Variants in SPMIP11 observed in about 807,000 individuals in gnomAD.
The protein encoded by SPMIP11 is long intergenic non-protein coding RNA 935.
At chr12:48,751,972 C>A in the SPMIP11 span, among the ~76,000 whole-genome samples, 3 of 150,522 alleles carry the variant, frequency 2.0e-5, no homozygotes, top group Non-Finnish European at 4.4e-5. Context: ...GAGGCCGAGG[C>A]ATGAGAATCT....
At chr12:48,764,596 T>C in the SPMIP11 span, among the ~76,000 whole-genome samples, 1 of 152,306 alleles carries the variant, frequency 6.6e-6, no homozygotes, top group Middle Eastern at 3.4e-3. Flanking sequence ...ATCTTAGCAC[T>C]TGGGGAAAGC....
At chr12:48,734,716 G>C in the SPMIP11 span, among the ~76,000 whole-genome samples, 1 of 151,944 alleles carries the variant, frequency 6.6e-6, no homozygotes. Context: ...AAAGCAGAGA[G>C]TTTGGCCAGG....
the SPMIP11 span, among the ~76,000 whole-genome samples, chr12:48,745,098 GTCTCTACT>G: frequency 1.3e-5 from 2 of 151,902 alleles, no homozygotes; most frequent in Non-Finnish European, 2.9e-5. Context: ...GTGAAACCCC[GTCTCTACT>G]AAAAATACAA....
At chr12:48,768,740 G>A in the SPMIP11 span, 39 of 1,611,336 alleles carry the variant, frequency 2.4e-5, no homozygotes, top group Admixed American at 3.2e-4. Flanking sequence ...AGGGGAGCCC[G>A]CTTAGCCTGG....
chr12:48,765,631 T>C, the SPMIP11 span: 2 of 702,998 alleles, frequency 2.8e-6, no homozygotes, highest in East Asian at 2.7e-5. Flanking sequence ...CTATTCTCAA[T>C]GACAGGACCT....
the SPMIP11 span, among the ~76,000 whole-genome samples, chr12:48,729,169 A>C: frequency 2.0e-5 from 3 of 152,222 alleles, no homozygotes; most frequent in Admixed American, 2.0e-4. Context: ...TGAGAGACTG[A>C]GGCGGGCAGA....
the SPMIP11 span, among the ~76,000 whole-genome samples, chr12:48,754,510 G>A: frequency 1.3e-5 from 2 of 151,882 alleles, no homozygotes; most frequent in Non-Finnish European, 2.9e-5. Flanking sequence ...GAGTGCAGTG[G>A]TGTGATCTCG....
chr12:48,765,391 C>T, the SPMIP11 span, among the ~76,000 whole-genome samples: 13 of 152,176 alleles, frequency 8.5e-5, no homozygotes, highest in African/African-American at 3.1e-4. Flanking sequence ...CCACCGTGAC[C>T]GGCTAATTTT....
the SPMIP11 span, among the ~76,000 whole-genome samples, chr12:48,748,546 A>T: frequency 2.6e-5 from 4 of 150,990 alleles, no homozygotes; most frequent in African/African-American, 7.3e-5. Flanking sequence ...ATTCATGATC[A>T]CCAAACTCAA....
chr12:48,735,003 CAAAAAAAA>C, the SPMIP11 span, among the ~76,000 whole-genome samples: 2 of 84,126 alleles, frequency 2.4e-5, no homozygotes, highest in East Asian at 3.6e-4. Flanking sequence ...GACTCTGTCT[CAAAAAAAA>C]AAAAAAAAAA....
chr12:48,747,145 T>C, the SPMIP11 span, among the ~76,000 whole-genome samples: 1 of 152,144 alleles, frequency 6.6e-6, no homozygotes, highest in Non-Finnish European at 1.5e-5. Context: ...TACTTTACTT[T>C]TTTAACTTTT....
chr12:48,768,405 G>T, the SPMIP11 span: 1 of 775,586 alleles, frequency 1.3e-6, no homozygotes, highest in Non-Finnish European at 2.1e-6. Context: ...CTCTCGGTAG[G>T]TAGCCCCTTG....
At chr12:48,752,073 A>T in the SPMIP11 span, among the ~76,000 whole-genome samples, 1 of 151,446 alleles carries the variant, frequency 6.6e-6, no homozygotes, top group South Asian at 2.1e-4. Flanking sequence ...CCTCAAAAAA[A>T]AAAAAACAAA....
chr12:48,754,388 G>A, the SPMIP11 span, among the ~76,000 whole-genome samples: 1 of 152,142 alleles, frequency 6.6e-6, no homozygotes, highest in South Asian at 2.1e-4. Flanking sequence ...CTAAACTCAA[G>A]TGATTCTCCT....
chr12:48,728,445 A>T, the SPMIP11 span, among the ~76,000 whole-genome samples: 3 of 152,228 alleles, frequency 2.0e-5, no homozygotes, highest in Non-Finnish European at 4.4e-5. Context: ...GCGGTGGCTC[A>T]CGCCTGTAAT....
the SPMIP11 span, among the ~76,000 whole-genome samples, chr12:48,741,294 A>G: frequency 6.6e-6 from 1 of 151,382 alleles, no homozygotes; most frequent in Non-Finnish European, 1.5e-5. Flanking sequence ...CAGGTGATCC[A>G]CCCACCACAG....
chr12:48,733,038 T>C, the SPMIP11 span, among the ~76,000 whole-genome samples: 1 of 150,436 alleles, frequency 6.6e-6, no homozygotes, highest in African/African-American at 2.4e-5. Context: ...AAAGAAAAGT[T>C]CAGTGTATGT....
At chr12:48,758,208 T>C in the SPMIP11 span, among the ~76,000 whole-genome samples, 9 of 151,996 alleles carry the variant, frequency 5.9e-5, no homozygotes, top group East Asian at 1.7e-3. Context: ...AATAAGAAAA[T>C]GTTGGGAAGC....
the SPMIP11 span, among the ~76,000 whole-genome samples, chr12:48,761,912 C>T: frequency 6.9e-6 from 1 of 145,708 alleles, no homozygotes; most frequent in African/African-American, 2.5e-5. Context: ...TTAATAGAGA[C>T]AAGGTCTGGC....
Sources: allele counts gnomAD v4.1 joint callset (sites outside exome capture counted in the v4.1 genomes callset), GRCh38; gene constraint gnomAD v4.1.1; transcripts MANE v1.5; gene names NCBI Gene and HGNC (gene_info 2026-07-23, HGNC 2026-07-21).